MDFIC: variants seen among roughly 807,000 people sequenced by gnomAD.
MDFIC encodes MyoD family inhibitor domain containing, also known as myoD family inhibitor domain-containing protein.
MDFIC carries 17 observed loss-of-function variants against 23.2 expected under a neutral mutation model. The ratio of observed to expected loss-of-function variants is 0.73; its 90% confidence interval spans 0.50 to 1.10. MDFIC has a LOEUF of 1.10. Ranked by LOEUF, MDFIC falls within the 50% of genes least tolerant of loss-of-function variation. The pLI is 0.00. For missense variants in MDFIC, 356 were observed against 316.6 expected (o/e 1.12, Z -0.95); for synonymous variants, 120 against 115.2 (o/e 1.04, Z -0.27).
chr7:115,000,966 C>T (rs1305560035), intron 4 of MDFIC, among the ~76,000 whole-genome samples: 1 of 152,150 alleles, frequency 6.6e-6, no homozygotes, highest in Non-Finnish European at 1.5e-5. Context: ...TGATATGCAA[C>T]ATAGTGTGGC....
Position 115,015,747 on chromosome 7 carries a change from A to G in MDFIC, c.553A>G (p.Ile185Val), listed in dbSNP as rs751958772. 15 of 1,614,030 alleles carry G rather than the reference A, an allele frequency of 9.3e-6. No individual in the cohort carries two copies. Among genetic ancestry groups the G allele is most frequent in the Non-Finnish European group, 1.2e-5 (14 of 1,180,038 alleles). The change falls in exon 5 of 5, where the codon ATT becomes GTT. Residue 185 changes from isoleucine (I) to valine (V), a missense_variant. Physicochemically the swap from Ile to Val is conservative, Grantham distance 29. Transcript: ENST00000393486. Reference protein sequence around the residue: ...LFCEFLTLCNIVLGQASCGIC... With the variant: ...LFCEFLTLCNVVLGQASCGIC... The stretch of plus-strand genomic sequence containing the variant: ...CTGCGAATTCCTGACCCTTTGCAAC[A>G]TTGTCCTGGGACAAGCGTCATGTGG...
At chr7:114,982,590 G>C (rs181034640) in intron 4 of MDFIC, among the ~76,000 whole-genome samples, 25 of 152,228 alleles carry the variant, frequency 1.6e-4, no homozygotes, top group Non-Finnish European at 2.6e-4. Flanking sequence ...AACTACTCAG[G>C]AGGCTGAGGT....
intron 2 of MDFIC, among the ~76,000 whole-genome samples, chr7:114,936,846 C>T (rs1792433453): frequency 6.6e-6 from 1 of 151,782 alleles, no homozygotes; most frequent in Non-Finnish European, 1.5e-5. Context: ...ATATTTAAGT[C>T]CTTTGAAAAC....
chr7:115,014,578 G>T, intron 4 of MDFIC: 1 of 1,176,900 alleles, frequency 8.5e-7, no homozygotes, highest in South Asian at 1.5e-5. Context: ...TGTAGGTTGT[G>T]GAATCTTCTT....
chr7:114,960,086 G>A (rs188985949), intron 3 of MDFIC, among the ~76,000 whole-genome samples: 81 of 152,262 alleles, frequency 5.3e-4, no homozygotes, highest in African/African-American at 1.9e-3. Context: ...GACACTGGGT[G>A]AGTCACTTTG....
intron 4 of MDFIC, among the ~76,000 whole-genome samples, chr7:115,004,615 G>T (rs1285665878): frequency 6.6e-6 from 1 of 152,194 alleles, no homozygotes; most frequent in Non-Finnish European, 1.5e-5. Flanking sequence ...AGTTTGGACA[G>T]AATCTGACAT....
At chr7:115,009,136 A>C (rs186640181) in intron 4 of MDFIC, among the ~76,000 whole-genome samples, 2 of 152,232 alleles carry the variant, frequency 1.3e-5, no homozygotes, top group African/African-American at 4.8e-5. Context: ...CTCAGCATGT[A>C]GTTTACATGA....
intron 3 of MDFIC, among the ~76,000 whole-genome samples, chr7:114,951,248 CT>C (rs60125441): frequency 0.83 from 126,639 of 152,010 alleles, 54,110 homozygotes; most frequent in Non-Finnish European, 0.92. Flanking sequence ...CTGGTCATCT[CT>C]GGTTCTTTGC....
At chr7:115,007,855 T>G (rs1585123032) in intron 4 of MDFIC, among the ~76,000 whole-genome samples, 1 of 85,950 alleles carries the variant, frequency 1.2e-5, no homozygotes, top group Non-Finnish European at 2.2e-5. Context: ...GCCACCATAC[T>G]CAGCTAATTT....
At chr7:115,004,804 C>T (rs770065823) in intron 4 of MDFIC, among the ~76,000 whole-genome samples, 3 of 152,034 alleles carry the variant, frequency 2.0e-5, no homozygotes, top group Non-Finnish European at 2.9e-5. Context: ...CCTCTAATGT[C>T]TTTAATGGAC....
At chr7:114,964,006 A>G (rs1793043682) in intron 3 of MDFIC, among the ~76,000 whole-genome samples, 1 of 152,246 alleles carries the variant, frequency 6.6e-6, no homozygotes, top group South Asian at 2.1e-4. Context: ...ATAATTTTAT[A>G]TATAATGGGT....
chr7:114,924,466 T>C (rs1792152174), intron 2 of MDFIC, among the ~76,000 whole-genome samples: 2 of 152,208 alleles, frequency 1.3e-5, no homozygotes, highest in Admixed American at 6.5e-5. Flanking sequence ...CTTTAATAGT[T>C]TGCATTTCTA....
intron 3 of MDFIC, among the ~76,000 whole-genome samples, chr7:114,949,397 C>T (rs75743756): frequency 6.6e-6 from 1 of 152,112 alleles, no homozygotes; most frequent in East Asian, 1.9e-4. Context: ...ATGCTAACCA[C>T]TGAAGAAATA....
chr7:114,982,779 G>A (rs972062007), intron 4 of MDFIC, among the ~76,000 whole-genome samples: 2 of 152,212 alleles, frequency 1.3e-5, no homozygotes, highest in African/African-American at 4.8e-5. Flanking sequence ...TGGAGGCTGG[G>A]AAGAGCAAGA....
chr7:114,944,312 G>A (rs185952302), intron 3 of MDFIC, among the ~76,000 whole-genome samples: 24 of 152,274 alleles, frequency 1.6e-4, no homozygotes, highest in Admixed American at 1.2e-3. Flanking sequence ...GCCAAAGATA[G>A]CAATGCCACT....
At chr7:114,936,227 C>G (rs1250681122) in intron 2 of MDFIC, among the ~76,000 whole-genome samples, 3 of 152,128 alleles carry the variant, frequency 2.0e-5, no homozygotes, top group Non-Finnish European at 4.4e-5. Flanking sequence ...ACTTCTGTCC[C>G]AGAGACACTA....
intron 2 of MDFIC, among the ~76,000 whole-genome samples, chr7:114,927,034 A>G (rs1458099302): frequency 2.0e-5 from 3 of 152,098 alleles, no homozygotes; most frequent in Non-Finnish European, 2.9e-5. Flanking sequence ...ACTAGCATCT[A>G]GTGAGTGGAG....
intron 4 of MDFIC, among the ~76,000 whole-genome samples, chr7:115,000,535 A>G (rs896647746): frequency 6.6e-6 from 1 of 152,222 alleles, no homozygotes; most frequent in African/African-American, 2.4e-5. Flanking sequence ...TAGTAAAAGT[A>G]ATTTATTTTG....
chr7:114,989,531 G>A (rs1793569504), intron 4 of MDFIC, among the ~76,000 whole-genome samples: 1 of 152,120 alleles, frequency 6.6e-6, no homozygotes, highest in African/African-American at 2.4e-5. Flanking sequence ...GATATGAGAA[G>A]GCAATAATGA....
Sources: gnomAD v4.1 joint callset for allele counts (sites outside exome capture counted in the v4.1 genomes callset) on GRCh38, gnomAD v4.1.1 for gene constraint, MANE v1.5 for transcripts, NCBI Gene and HGNC (gene_info 2026-07-23, HGNC 2026-07-21) for gene names.